Variants in PDYN observed in about 807,000 individuals in gnomAD.
The protein encoded by PDYN is proenkephalin-B.
A neutral mutation model predicts 11.4 loss-of-function variants in PDYN; 5 were observed. That is an observed-to-expected ratio of 0.44 (90% CI 0.23 to 0.92). The LOEUF (loss-of-function observed/expected upper bound fraction) is 0.92. PDYN is among the 40% of genes least tolerant of loss of function. The probability of loss-of-function intolerance (pLI) is 0.24; values close to 1 mark genes in which losing one functional copy is unlikely to be tolerated. For missense variants in PDYN, 337 were observed against 317.3 expected, an observed-to-expected ratio of 1.06 and a Z score of -0.47; for synonymous variants, 132 against 129.5, an observed-to-expected ratio of 1.02 and a Z score of -0.13.
chr20:1,990,711 C>T (rs548917653), intron 2 of PDYN, among the ~76,000 whole-genome samples: 6 of 151,842 alleles, frequency 4.0e-5, no homozygotes, highest in East Asian at 1.9e-4. Context: ...TGGATGGAAC[C>T]GCCACCCTTT....
At chr20:1,982,823 AC>A in intron 3 of PDYN, 132 bp downstream of exon 3, 1 of 916,418 alleles carries the variant, frequency 1.1e-6, no homozygotes, top group Non-Finnish European at 1.7e-6. Flanking sequence ...AGGGCAGGAC[AC>A]CCACCACCCT....
intron 3 of PDYN, among the ~76,000 whole-genome samples, chr20:1,981,823 G>A (rs547773200): frequency 2.4e-4 from 36 of 152,030 alleles, no homozygotes; most frequent in Middle Eastern, 3.4e-3. Context: ...CTACTCGGGA[G>A]GCTGATGTAC....
At chr20:1,990,604 C>T (rs1353917138) in intron 2 of PDYN, among the ~76,000 whole-genome samples, 1 of 152,180 alleles carries the variant, frequency 6.6e-6, no homozygotes, top group East Asian at 1.9e-4. Flanking sequence ...GCTGCATTTG[C>T]TGTGCAGAGA....
chr20:1,990,531 C>G (rs774100859), intron 2 of PDYN, among the ~76,000 whole-genome samples: 6 of 152,100 alleles, frequency 3.9e-5, no homozygotes, highest in Non-Finnish European at 7.4e-5. Flanking sequence ...AGAAAGTAAA[C>G]CCACACTTTA....
At position 1,980,121 on chromosome 20, in the gene PDYN, G is replaced by T; in HGVS notation, c.*202C>A. On this transcript the variant is annotated 3_prime_UTR_variant, in exon 4 of 4. Coordinates refer to ENST00000217305, the MANE Select transcript of PDYN (RefSeq NM_024411.5). ...CAAGCACTAAGCCTATTGTGGGGAA[G>T]GGACATCCACCCTTCCCCATCACAG... 1.5e-6 allele frequency: 1 copy of T among 651,450 alleles called. No individual in the cohort carries two copies. The highest frequency in any genetic ancestry group is 2.7e-6 in the Non-Finnish European group (1 of 367,426). The allele number at this position is 651,450 out of a possible 1,614,324, so 40.4% of individuals were successfully genotyped here.
At chr20:1,980,996 C>G in intron 3 of PDYN, 38 bp from the exon 4 acceptor site, 1 of 1,611,314 alleles carries the variant, frequency 6.2e-7, no homozygotes, top group Non-Finnish European at 8.5e-7. Flanking sequence ...GGCAAATGAT[C>G]AAAACACATG....
In PDYN at chr20:1,980,604, A is replaced by G. The variant is rs772453989; in HGVS notation, c.484T>C (p.Tyr162His). 2.5e-6 allele frequency: 4 copies of G among 1,614,164 alleles called. No homozygotes were observed. The highest frequency in any genetic ancestry group is 3.4e-6 in the Non-Finnish European group (4 of 1,180,028). Residue 162 changes from tyrosine to histidine, a missense_variant, in exon 4 of 4, where the codon TAT (tyrosine) becomes CAT (histidine). Physicochemically the swap from Tyr to His is moderately conservative, Grantham distance 83. Coordinates refer to ENST00000217305, the MANE Select transcript of PDYN (RefSeq NM_024411.5). ...NDGAMETGTLYLAEEDPKEQV... is the reference protein window; with the variant it reads ...NDGAMETGTLHLAEEDPKEQV... ...TCCTTGGGGTCCTCCTCAGCGAGAT[A>G]GAGTGTGCCAGTCTCCATGGCACCA...
At chr20:1,991,382 C>T (rs1988440537) in intron 2 of PDYN, among the ~76,000 whole-genome samples, 1 of 152,194 alleles carries the variant, frequency 6.6e-6, no homozygotes, top group Non-Finnish European at 1.5e-5. Flanking sequence ...CTCGGAGGAG[C>T]CCCCTGAGCC....
Position 1,980,198 on chromosome 20 carries a change from G to T in PDYN, c.*125C>A. 1 of 994,426 alleles carries T rather than the reference G, an allele frequency of 1.0e-6. No individual in the cohort carries two copies. 61.6% of individuals were successfully genotyped at this position (994,426 alleles called of 1,614,324 possible). A position where few individuals can be genotyped will look rare whatever the true frequency, so the allele number is the denominator to read the frequency against. On this transcript the variant is annotated 3_prime_UTR_variant, in exon 4 of 4. Coordinates refer to ENST00000217305, the MANE Select transcript of PDYN (RefSeq NM_024411.5). ...GCAGAAGAGAGATAGGCTGGGCTTG[G>T]ATATTTTGTACACAATGCTGAGCTG... is the stretch of plus-strand genomic sequence containing the variant.
intron 2 of PDYN, among the ~76,000 whole-genome samples, chr20:1,986,583 G>A (rs1988194760): frequency 6.6e-6 from 1 of 152,190 alleles, no homozygotes; most frequent in Admixed American, 6.5e-5. Context: ...CTGCCCCTGT[G>A]CTCAGAACTC....
At chr20:1,991,772 T>C (rs1194176668) in intron 2 of PDYN, among the ~76,000 whole-genome samples, 5 of 152,056 alleles carry the variant, frequency 3.3e-5, no homozygotes, top group Non-Finnish European at 7.4e-5. Context: ...AATACGACAA[T>C]TGTGCAGGAA....
At position 1,983,053 on chromosome 20, in the gene PDYN, C is replaced by T; in HGVS notation, c.32G>A (p.Cys11Tyr). 6.2e-7 allele frequency: 1 copy of T among 1,613,638 alleles called. No individual in the cohort carries two copies. Among genetic ancestry groups the T allele is most frequent in the Non-Finnish European group, 8.5e-7 (1 of 1,179,876 alleles). The change falls in exon 3 of 4, where the codon TGC (cysteine) becomes TAC (tyrosine). Residue 11 changes from cysteine (C) to tyrosine (Y), a missense_variant. Transcript: ENST00000217305. MAWQGLVLAACLLMFPSTTAD... is the reference protein window; with the variant it reads MAWQGLVLAAYLLMFPSTTAD... ...TGTGGTGGAGGGGAACATGAGGAGG[C>T]AGGCAGCCAGGACCAGCCCCTGCCA...
intron 2 of PDYN, among the ~76,000 whole-genome samples, chr20:1,983,715 C>A (rs1987980518): frequency 6.6e-6 from 1 of 152,190 alleles, no homozygotes; most frequent in Non-Finnish European, 1.5e-5. Flanking sequence ...TCTCCGATTC[C>A]TCCTTCCTAC....
chr20:1,983,184 T>C (rs1213675233), intron 2 of PDYN, 81 bp from the exon 3 acceptor site: 2 of 1,217,376 alleles, frequency 1.6e-6, no homozygotes, highest in African/African-American at 3.0e-5. Flanking sequence ...AAGTCATCTC[T>C]AACTCCTGCC....
In PDYN at chr20:1,980,099, G is replaced by A; in HGVS notation, c.*224C>T. 1.6e-6 allele frequency: 1 copy of A among 608,616 alleles called. No homozygotes were observed. Among genetic ancestry groups the A allele is most frequent in the Non-Finnish European group, 2.9e-6 (1 of 340,206 alleles). 37.7% of individuals were successfully genotyped at this position (608,616 alleles called of 1,614,324 possible). ...TTTAGAGTCTAGGTGTCTGAGCCAAGCACTAAGCCTATTGTGGGGAAGGGA... is the reference window on the plus strand; with the variant it reads ...TTTAGAGTCTAGGTGTCTGAGCCAAACACTAAGCCTATTGTGGGGAAGGGA... On this transcript the variant is annotated 3_prime_UTR_variant, in exon 4 of 4. Transcript: ENST00000217305.
intron 2 of PDYN, among the ~76,000 whole-genome samples, chr20:1,989,677 C>T (rs954621092): frequency 4.6e-5 from 7 of 152,122 alleles, no homozygotes; most frequent in African/African-American, 1.7e-4. Context: ...AGCACTTTAG[C>T]GCATATGATT....
chr20:1,980,049 T>C lies in PDYN; in HGVS notation c.*274A>G. 2.0e-6 allele frequency: 1 copy of C among 510,364 alleles called. No individual in the cohort carries two copies. The highest frequency in any genetic ancestry group is 2.0e-5 in the South Asian group (1 of 50,404). 31.6% of individuals were successfully genotyped at this position (510,364 alleles called of 1,614,324 possible). A position where few individuals can be genotyped will look rare whatever the true frequency, so the allele number is the denominator to read the frequency against. ...AGGACAGATCACAAACTGCTGCTGC[T>C]GCTGCTGCTGCCGCTGCTGATAGTT... On this transcript the variant is annotated 3_prime_UTR_variant, in exon 4 of 4. Transcript: ENST00000217305.
chr20:1,984,898 CA>C (rs911365141), intron 2 of PDYN, among the ~76,000 whole-genome samples: 83 of 143,790 alleles, frequency 5.8e-4, no homozygotes, highest in African/African-American at 1.0e-3. Context: ...GACTCCATCT[CA>C]AAAAAAAAAA....
At position 1,979,980 on chromosome 20, in the gene PDYN, C is replaced by T. The variant is rs1398589039; in HGVS notation, c.*343G>A. 5.1e-6 allele frequency: 2 copies of T among 389,056 alleles called. No homozygotes were observed. Among genetic ancestry groups the T allele is most frequent in the South Asian group, 2.3e-5 (1 of 44,218 alleles). The allele number at this position is 389,056 out of a possible 1,614,324, so 24.1% of individuals were successfully genotyped here. On this transcript the variant is annotated 3_prime_UTR_variant, in exon 4 of 4. Coordinates refer to ENST00000217305, the MANE Select transcript of PDYN (RefSeq NM_024411.5). ...AGACCTACAGGTACAAAGAACACAT[C>T]GCTCTGGTTCCCTGGAATTGAGGAG...
Sources: allele counts gnomAD v4.1 joint callset (sites outside exome capture counted in the v4.1 genomes callset), GRCh38; gene constraint gnomAD v4.1.1; transcripts MANE v1.5; gene names NCBI Gene and HGNC (gene_info 2026-07-23, HGNC 2026-07-21).